Variants in MRTFB observed in about 807,000 individuals in gnomAD.
MRTFB encodes myocardin related transcription factor B, also known as myocardin-related transcription factor B.
In MRTFB, 29 loss-of-function variants were observed where a neutral mutation model predicts 104.2. That is an observed-to-expected ratio of 0.28 (90% CI 0.21 to 0.38). The LOEUF is 0.38. MRTFB is among the 10% of genes least tolerant of loss of function. MRTFB has a pLI of 1.00. For synonymous variants in MRTFB, 535 were observed against 519.5 expected (o/e 1.03, Z -0.41); for missense variants, 1,270 against 1,341.6 (o/e 0.95, Z 0.83).
chr16:14,098,121 A>G (rs1361072408), intron 2 of MRTFB, among the ~76,000 whole-genome samples: 1 of 152,212 alleles, frequency 6.6e-6, no homozygotes, highest in African/African-American at 2.4e-5. Context: ...ACCTAGGAGT[A>G]GGATGGATGG....
At position 14,250,684 on chromosome 16, in the gene MRTFB, A is replaced by G. The variant is rs1489448355; in HGVS notation, c.2404-1178A>G. ...GGTTTTACCCAAATCAGGAGAGCCAAGGAGTGTGGTAGGGGCCATGCCTTG... is the reference window on the plus strand; with the variant it reads ...GGTTTTACCCAAATCAGGAGAGCCAGGGAGTGTGGTAGGGGCCATGCCTTG... On this transcript the variant is annotated intron_variant, in intron 13 of 16. Coordinates refer to ENST00000571589, the MANE Select transcript of MRTFB (RefSeq NM_001308142.2). Among the ~76,000 whole-genome samples, 3 of 152,216 alleles carry G rather than the reference A, an allele frequency of 2.0e-5. No individual in the cohort carries two copies. In the East Asian group the frequency reaches 5.8e-4, roughly 29 times the overall value.
intron 8 of MRTFB, among the ~76,000 whole-genome samples, chr16:14,230,291 T>G (rs2042198787): frequency 6.6e-6 from 1 of 152,144 alleles, no homozygotes; most frequent in African/African-American, 2.4e-5. Flanking sequence ...TGGGATCTAC[T>G]TAAACTAAAG....
chr16:14,112,372 G>A (rs1303327140), intron 2 of MRTFB, among the ~76,000 whole-genome samples: 3 of 152,144 alleles, frequency 2.0e-5, no homozygotes, highest in Non-Finnish European at 2.9e-5. Context: ...GAGGAAGAGT[G>A]GATGACGGGG....
chr16:14,011,318 G>C, the MRTFB span, among the ~76,000 whole-genome samples: 1 of 152,344 alleles, frequency 6.6e-6, no homozygotes, highest in Admixed American at 6.5e-5. Flanking sequence ...TCATGGGCAA[G>C]TCACTTCACC....
intron 4 of MRTFB, among the ~76,000 whole-genome samples, chr16:14,211,772 C>G (rs970031087): frequency 3.3e-5 from 5 of 152,132 alleles, no homozygotes; most frequent in African/African-American, 1.2e-4. Flanking sequence ...ATTCAAAATT[C>G]TAGATTTAAA....
chr16:14,232,764 T>C (rs1567196876), intron 8 of MRTFB, among the ~76,000 whole-genome samples: 1 of 151,992 alleles, frequency 6.6e-6, no homozygotes, highest in Admixed American at 6.5e-5. Flanking sequence ...TAAACAAATA[T>C]TTGTTTGAGT....
chr16:14,088,557 C>A (rs2034862551), intron 2 of MRTFB, among the ~76,000 whole-genome samples: 2 of 152,128 alleles, frequency 1.3e-5, no homozygotes, highest in Admixed American at 6.6e-5. Context: ...TTTATGAGCA[C>A]CCCCAGCATT....
chr16:14,252,949 C>T (rs2043315228), intron 15 of MRTFB, among the ~76,000 whole-genome samples: 1 of 152,182 alleles, frequency 6.6e-6, no homozygotes, highest in Non-Finnish European at 1.5e-5. Flanking sequence ...TGGTCTCCAG[C>T]AACCTCTGCC....
chr16:14,208,555 C>T (rs2041050999), intron 3 of MRTFB, among the ~76,000 whole-genome samples: 1 of 152,158 alleles, frequency 6.6e-6, no homozygotes, highest in South Asian at 2.1e-4. Context: ...GAAGTATCAA[C>T]CTTTGATCTG....
intron 1 of MRTFB, among the ~76,000 whole-genome samples, chr16:14,075,694 T>G (rs1309559267): frequency 6.6e-6 from 1 of 152,226 alleles, no homozygotes; most frequent in Non-Finnish European, 1.5e-5. Flanking sequence ...TTCTCTCTTC[T>G]AATTCCTCAC....
At chr16:14,059,196 C>T in the MRTFB span, among the ~76,000 whole-genome samples, 1 of 152,092 alleles carries the variant, frequency 6.6e-6, no homozygotes, top group African/African-American at 2.4e-5. Flanking sequence ...ATATCTAGCA[C>T]TTCAAACATT....
At chr16:14,103,031 A>G (rs1225850082) in intron 2 of MRTFB, among the ~76,000 whole-genome samples, 1 of 152,144 alleles carries the variant, frequency 6.6e-6, no homozygotes, top group African/African-American at 2.4e-5. Context: ...CTACTTTACA[A>G]TCTTATTCTT....
chr16:14,066,255 G>C, the MRTFB span, among the ~76,000 whole-genome samples: 2 of 150,136 alleles, frequency 1.3e-5, no homozygotes, highest in African/African-American at 4.9e-5. Context: ...TATTTTTATT[G>C]ATTTTTTTAT....
intron 3 of MRTFB, among the ~76,000 whole-genome samples, chr16:14,181,778 G>A (rs1241464481): frequency 6.6e-6 from 1 of 152,140 alleles, no homozygotes; most frequent in Non-Finnish European, 1.5e-5. Context: ...ACTCTGCCAA[G>A]TTTTTGTGTA....
intron 3 of MRTFB, chr16:14,144,855 A>G (rs1273993992): frequency 6.6e-6 from 1 of 151,516 alleles, no homozygotes; most frequent in Non-Finnish European, 1.5e-5. Context: ...AGGCTGAGGC[A>G]GGAAAATGGC....
Position 14,247,285 on chromosome 16 carries a change from AAAGGCTGTAGTT to A in MRTFB, c.2027_2038del (p.Lys676_Val679del). On this transcript the variant is annotated inframe_deletion, in exon 12 of 17. Transcript: ENST00000571589. Reference sequence around the variant, plus strand: ...CAGGTGGCCAGACCCTTGTTGCCAAAAAGGCTGTAGTTATCAAGCAAGAGGTCCCTGTGGGCC... The same window carrying A: ...CAGGTGGCCAGACCCTTGTTGCCAAAATCAAGCAAGAGGTCCCTGTGGGCC... 3 of 1,614,192 alleles carry A rather than the reference AAAGGCTGTAGTT, an allele frequency of 1.9e-6. No homozygotes were observed. Among genetic ancestry groups the A allele is most frequent in the Non-Finnish European group, 2.5e-6 (3 of 1,180,028 alleles).
At chr16:14,034,474 C>T in the MRTFB span, among the ~76,000 whole-genome samples, 19 of 152,224 alleles carry the variant, frequency 1.2e-4, 1 homozygote, top group African/African-American at 3.6e-4. Flanking sequence ...ATTAGCCAGG[C>T]GTGGTGGTGG....
At chr16:14,003,375 C>T in the MRTFB span, among the ~76,000 whole-genome samples, 1 of 152,236 alleles carries the variant, frequency 6.6e-6, no homozygotes, top group Non-Finnish European at 1.5e-5. Context: ...TTCCACTTCC[C>T]TCTGCTCCTG....
chr16:14,255,185 A>T (rs560890608), intron 15 of MRTFB, among the ~76,000 whole-genome samples: 2 of 152,368 alleles, frequency 1.3e-5, no homozygotes, highest in African/African-American at 4.8e-5. Context: ...AGTCTAGCAT[A>T]GGTAGAAGAG....
Sources: gnomAD v4.1 joint callset for allele counts (sites outside exome capture counted in the v4.1 genomes callset) on GRCh38, gnomAD v4.1.1 for gene constraint, MANE v1.5 for transcripts, NCBI Gene and HGNC (gene_info 2026-07-23, HGNC 2026-07-21) for gene names.